SIPA1L3: variants seen among roughly 807,000 people sequenced by gnomAD.
SIPA1L3 encodes the protein signal-induced proliferation-associated 1-like protein 3.
SIPA1L3 carries 59 observed loss-of-function variants against 150.1 expected under a neutral mutation model. The ratio of observed to expected loss-of-function variants is 0.39; its 90% confidence interval spans 0.32 to 0.49. The LOEUF is 0.49. Among genes scored for constraint, SIPA1L3 ranks in the 20% least tolerant of loss-of-function variants. SIPA1L3 has a pLI of 0.86. For synonymous variants in SIPA1L3, 1,070 were observed against 1,077.6 expected (o/e 0.99, Z 0.14); for missense variants, 2,211 against 2,489.5 (o/e 0.89, Z 2.38).
At chr19:38,055,493 A>G (rs1232604945) in intron 2 of SIPA1L3, among the ~76,000 whole-genome samples, 2 of 152,218 alleles carry the variant, frequency 1.3e-5, no homozygotes, top group African/African-American at 2.4e-5. Flanking sequence ...CCCATCCCCC[A>G]TCCCCTGCAA....
At chr19:37,917,501 A>G (rs1440192936) in intron 1 of SIPA1L3, among the ~76,000 whole-genome samples, 3 of 152,222 alleles carry the variant, frequency 2.0e-5, no homozygotes, top group Non-Finnish European at 2.9e-5. Flanking sequence ...GCCAGGGACT[A>G]CAGTTATTCC....
chr19:38,024,638 A>G (rs1409319982), intron 1 of SIPA1L3, among the ~76,000 whole-genome samples: 1 of 152,178 alleles, frequency 6.6e-6, no homozygotes, highest in Non-Finnish European at 1.5e-5. Flanking sequence ...GACTAGATCA[A>G]AGCATTCTTC....
At chr19:38,154,736 G>A (rs934948319) in intron 13 of SIPA1L3, among the ~76,000 whole-genome samples, 5 of 149,462 alleles carry the variant, frequency 3.3e-5, no homozygotes, top group Non-Finnish European at 5.9e-5. Flanking sequence ...GTGAGCCACC[G>A]CACCCAGCTA....
chr19:38,082,357 G>C lies in SIPA1L3; in HGVS notation c.792G>C (p.Gly264=), dbSNP rs1227482053. The C allele has an allele frequency of 6.3e-7, 1 of 1,597,314 alleles. No homozygotes were observed. The highest frequency in any genetic ancestry group is 1.7e-5 in the Admixed American group (1 of 59,496). ...GGGAKGDSHN[G]QPAKDSLLPL... is the part of the protein sequence containing the mutation. Reference sequence around the variant, plus strand: ...GAGCCAAGGGGGACTCCCACAACGGGCAGCCCGCCAAGGACAGCCTCCTGC... The same window carrying C: ...GAGCCAAGGGGGACTCCCACAACGGCCAGCCCGCCAAGGACAGCCTCCTGC... The change falls in exon 3 of 22, where the codon GGG becomes GGC. Residue 264 remains glycine (G), a synonymous_variant. Coordinates refer to ENST00000222345, the MANE Select transcript of SIPA1L3 (RefSeq NM_015073.3).
At chr19:37,993,456 C>T (rs1456596094) in intron 1 of SIPA1L3, among the ~76,000 whole-genome samples, 4 of 152,270 alleles carry the variant, frequency 2.6e-5, no homozygotes, top group African/African-American at 4.8e-5. Flanking sequence ...CTCAGCCTCC[C>T]GAGTAGCTGG....
chr19:38,126,385 T>C (rs1971172655), intron 9 of SIPA1L3, among the ~76,000 whole-genome samples: 1 of 152,162 alleles, frequency 6.6e-6, no homozygotes, highest in Non-Finnish European at 1.5e-5. Flanking sequence ...AGAGCAAGCT[T>C]GTCCAACCTG....
At chr19:37,941,444 T>C (rs2046656773) in intron 1 of SIPA1L3, among the ~76,000 whole-genome samples, 1 of 150,206 alleles carries the variant, frequency 6.7e-6, no homozygotes, top group Admixed American at 6.7e-5. Context: ...GTTTCTAATC[T>C]GTTGTGTGTT....
intron 2 of SIPA1L3, among the ~76,000 whole-genome samples, chr19:38,056,145 C>T (rs1284685103): frequency 6.6e-6 from 1 of 152,230 alleles, no homozygotes; most frequent in Admixed American, 6.5e-5. Flanking sequence ...TGCTTCTGAG[C>T]ACCTCTTGAT....
chr19:38,029,168 G>C lies in SIPA1L3; in HGVS notation c.-311+12G>C, dbSNP rs573590541. 6.6e-6 allele frequency: 1 copy of C among 152,112 alleles called. No homozygotes were observed. Among genetic ancestry groups the C allele is most frequent in the Non-Finnish European group, 1.5e-5 (1 of 68,024 alleles). 9.4% of individuals were successfully genotyped at this position (152,112 alleles called of 1,614,324 possible). A position where few individuals can be genotyped will look rare whatever the true frequency, so the allele number is the denominator to read the frequency against. ...AGAAGGCACTAAGGGTGAGTAAGGC[G>C]TGGCTGCTGGTTTGCTTAGAATTTT... On this transcript the variant is annotated intron_variant, in intron 2 of 21. Transcript: ENST00000222345.
chr19:38,111,030 T>G (rs12976860), intron 8 of SIPA1L3, among the ~76,000 whole-genome samples: 51,743 of 139,078 alleles, frequency 0.37, 10,149 homozygotes, highest in East Asian at 0.62. Flanking sequence ...TTGGGTTTTT[T>G]TTTTTTTTTT....
In SIPA1L3 at chr19:38,128,800, G is replaced by A. The variant is rs568541504; in HGVS notation, c.2869-1698G>A. Among the ~76,000 whole-genome samples the A allele has an allele frequency of 1.2e-3, 182 of 152,192 alleles. 1 individual carries two copies. Among genetic ancestry groups the A allele is most frequent in the African/African-American group, 4.1e-3 (171 of 41,502 alleles). On this transcript the variant is annotated intron_variant, in intron 9 of 21. Coordinates refer to ENST00000222345, the MANE Select transcript of SIPA1L3 (RefSeq NM_015073.3). The stretch of plus-strand genomic sequence containing the variant: ...TAATCCCACCTACTCGGGAGGCTGA[G>A]ACAGGAGAATTGCTTGAACCAGGGA...
At chr19:38,184,650 A>G (rs1972638354) in intron 16 of SIPA1L3, 1 of 152,222 alleles carries the variant, frequency 6.6e-6, no homozygotes, top group Non-Finnish European at 1.5e-5. Flanking sequence ...CATGACCTAC[A>G]TGGAGACATT....
At chr19:38,053,786 G>T (rs1969256675) in intron 2 of SIPA1L3, among the ~76,000 whole-genome samples, 1 of 151,748 alleles carries the variant, frequency 6.6e-6, no homozygotes, top group Admixed American at 6.6e-5. Context: ...GGCTGGTCTC[G>T]AACTCCTGGG....
chr19:38,164,171 C>T lies in SIPA1L3; in HGVS notation c.3781-308C>T, dbSNP rs1423927043. On this transcript the variant is annotated intron_variant, in intron 14 of 21. Coordinates refer to ENST00000222345, the MANE Select transcript of SIPA1L3 (RefSeq NM_015073.3). The surrounding 1 kb of genome is among the most constrained non-coding windows in gnomAD (Gnocchi z 4.1). ...GCCGGCGTCATTGAGATGAGGAAGA[C>T]GCTGCCGAACTCAGTCTTAGATTCG... Among the ~76,000 whole-genome samples, 3 of 152,134 alleles carry T rather than the reference C, an allele frequency of 2.0e-5. No individual in the cohort carries two copies. The highest frequency in any genetic ancestry group is 1.3e-4 in the Admixed American group (2 of 15,264).
intron 8 of SIPA1L3, among the ~76,000 whole-genome samples, chr19:38,118,963 G>C (rs1209991561): frequency 1.3e-5 from 2 of 152,162 alleles, no homozygotes; most frequent in Non-Finnish European, 2.9e-5. Flanking sequence ...GGGAAGCCCA[G>C]GAGGTAGGAT....
chr19:38,000,095 G>A (rs1051781748), intron 1 of SIPA1L3, among the ~76,000 whole-genome samples: 1 of 151,994 alleles, frequency 6.6e-6, no homozygotes, highest in Non-Finnish European at 1.5e-5. Flanking sequence ...TGCCTCTTCT[G>A]TAGTAGTTCC....
chr19:38,098,396 T>TC (rs1329357430), intron 4 of SIPA1L3, among the ~76,000 whole-genome samples: 3 of 147,004 alleles, frequency 2.0e-5, no homozygotes, highest in African/African-American at 7.5e-5. Flanking sequence ...GCTTTCATTT[T>TC]TTTTTTTTTT....
At chr19:37,949,739 C>CA (rs1372854053) in intron 1 of SIPA1L3, among the ~76,000 whole-genome samples, 1 of 151,882 alleles carries the variant, frequency 6.6e-6, no homozygotes, top group Non-Finnish European at 1.5e-5. Flanking sequence ...GCCTAGGGTA[C>CA]ATTTCCCTTT....
chr19:37,928,494 C>T (rs1005397982), intron 1 of SIPA1L3, among the ~76,000 whole-genome samples: 1 of 152,100 alleles, frequency 6.6e-6, no homozygotes, highest in Non-Finnish European at 1.5e-5. Flanking sequence ...TTGCTTGAAC[C>T]TGGGAGGCTC....
Sources: allele counts gnomAD v4.1 joint callset (sites outside exome capture counted in the v4.1 genomes callset), GRCh38; gene constraint gnomAD v4.1.1; non-coding constraint Gnocchi (gnomAD v3.1); transcripts MANE v1.5; gene names NCBI Gene and HGNC (gene_info 2026-07-23, HGNC 2026-07-21).